The following CAMTA1 variants were observed in gnomAD, a reference collection of about 807,000 sequenced individuals.
CAMTA1 encodes calmodulin binding transcription activator 1.
CAMTA1 carries 27 observed loss-of-function variants against 170.9 expected under a neutral mutation model. The observed-to-expected ratio is 0.16, with a 90% CI of 0.12 to 0.22. The LOEUF (loss-of-function observed/expected upper bound fraction) is 0.22, where lower values mean the gene tolerates loss of function less well. Among genes scored for constraint, CAMTA1 ranks in the 10% least tolerant of loss-of-function variants. CAMTA1 has a pLI of 1.00. For missense variants in CAMTA1, 1,619 were observed against 2,217.2 expected, an observed-to-expected ratio of 0.73 and a Z score of 5.42; for synonymous variants, 833 against 891.5, an observed-to-expected ratio of 0.93 and a Z score of 1.17.
intron 4 of CAMTA1, among the ~76,000 whole-genome samples, chr1:7,121,084 A>G (rs758069947): frequency 6.6e-6 from 1 of 152,178 alleles, no homozygotes; most frequent in African/African-American, 2.4e-5. Context: ...CAAATGGAGG[A>G]AAATAAAATC....
rs1038376650 is a variant in CAMTA1, at chr1:7,661,760, C to T, written c.699C>T (p.Asn233=). The change falls in exon 8 of 23, where the codon AAC becomes AAT. Residue 233 remains asparagine, a synonymous_variant. Coordinates refer to ENST00000303635, the MANE Select transcript of CAMTA1 (RefSeq NM_015215.4). ...HGIKWTCSNG[N]SSSGFSVEQL... ...TCAAGTGGACCTGCAGCAATGGGAACAGCAGCTCAGGCTTCTCGGTGGAAC... is the reference window on the plus strand; with the variant it reads ...TCAAGTGGACCTGCAGCAATGGGAATAGCAGCTCAGGCTTCTCGGTGGAAC... The T allele has an allele frequency of 4.3e-6, 7 of 1,613,892 alleles. No homozygotes were observed. In the Middle Eastern group the frequency reaches 4.9e-4, roughly 114 times the overall value.
intron 5 of CAMTA1, among the ~76,000 whole-genome samples, chr1:7,416,577 C>T (rs1462323737): frequency 6.6e-6 from 1 of 152,226 alleles, no homozygotes; most frequent in Non-Finnish European, 1.5e-5. Flanking sequence ...TTGCATTCTT[C>T]ACGTAGTTCT....
At chr1:7,231,350 T>TGTGTGTGTGTGTGTGA (rs112268253) in intron 4 of CAMTA1, among the ~76,000 whole-genome samples, 237 of 141,180 alleles carry the variant, frequency 1.7e-3, no homozygotes, top group Middle Eastern at 7.0e-3. Context: ...TGTGTGTGTG[T>TGTGTGTGTGTGTGTGA]GAGAGAGAGA....
chr1:7,499,585 CGTGA>C (rs1305450469), intron 6 of CAMTA1, among the ~76,000 whole-genome samples: 1 of 86,446 alleles, frequency 1.2e-5, no homozygotes, highest in Non-Finnish European at 2.3e-5. Flanking sequence ...GTGAGCCTGG[CGTGA>C]GTGCGTATGT....
At position 7,026,507 on chromosome 1, in the gene CAMTA1, A is replaced by G. The variant is rs182840266; in HGVS notation, c.235-64797A>G. On this transcript the variant is annotated intron_variant, in intron 3 of 22. Coordinates refer to ENST00000303635, the MANE Select transcript of CAMTA1 (RefSeq NM_015215.4). ...CAGAATTCTGATATAAACTAAGACTATAAGATTAGTTTCAAAAGGTTTTAG... is the reference window on the plus strand; with the variant it reads ...CAGAATTCTGATATAAACTAAGACTGTAAGATTAGTTTCAAAAGGTTTTAG... Among the ~76,000 whole-genome samples, 7 of 152,234 alleles carry G rather than the reference A, an allele frequency of 4.6e-5. No individual in the cohort carries two copies. In the East Asian group the frequency reaches 9.6e-4, roughly 21 times the overall value.
chr1:6,883,142 C>T (rs970012139), intron 3 of CAMTA1, among the ~76,000 whole-genome samples: 16 of 152,162 alleles, frequency 1.1e-4, no homozygotes, highest in African/African-American at 3.1e-4. Context: ...GATCCACATG[C>T]CTTGGCCTCC....
intron 3 of CAMTA1, among the ~76,000 whole-genome samples, chr1:6,842,441 T>A (rs538554395): frequency 6.6e-5 from 10 of 152,300 alleles, no homozygotes; most frequent in Middle Eastern, 3.4e-3. Context: ...TGTAAACATA[T>A]CACGACCTGG....
chr1:7,629,082 C>T (rs2095651743), intron 6 of CAMTA1, among the ~76,000 whole-genome samples: 1 of 152,254 alleles, frequency 6.6e-6, no homozygotes, highest in Non-Finnish European at 1.5e-5. Context: ...GCAACTCTTG[C>T]AGCATTGCTA....
At chr1:7,378,658 G>A (rs1367940009) in intron 5 of CAMTA1, among the ~76,000 whole-genome samples, 2 of 152,108 alleles carry the variant, frequency 1.3e-5, no homozygotes, top group African/African-American at 2.4e-5. Context: ...GTGATGAAAT[G>A]TTTTAGAACT....
Position 7,276,396 on chromosome 1 carries a change from G to A in CAMTA1, c.438+26770G>A, listed in dbSNP as rs190733387. Among the ~76,000 whole-genome samples, 1,247 of 146,470 alleles carry A rather than the reference G, an allele frequency of 8.5e-3. 16 individuals carry two copies. The highest frequency in any genetic ancestry group is 0.029 in the African/African-American group (1,132 of 38,756). On this transcript the variant is annotated intron_variant, in intron 5 of 22. Transcript: ENST00000303635. Reference sequence around the variant, plus strand: ...GTGACGTCGCCTCACTGCAACCTCCGCCTCCTGGGTTCAAGCAATTCTCCT... The same window carrying A: ...GTGACGTCGCCTCACTGCAACCTCCACCTCCTGGGTTCAAGCAATTCTCCT...
intron 5 of CAMTA1, among the ~76,000 whole-genome samples, chr1:7,450,828 G>A (rs374641394): frequency 1.3e-5 from 2 of 152,220 alleles, no homozygotes; most frequent in East Asian, 3.8e-4. Context: ...ATGCAGGACC[G>A]AGGGTGAGAG....
At chr1:7,705,163 C>T (rs2096498556) in intron 11 of CAMTA1, among the ~76,000 whole-genome samples, 2 of 150,000 alleles carry the variant, frequency 1.3e-5, no homozygotes, top group East Asian at 2.0e-4. Flanking sequence ...GTGTGGGGAT[C>T]CGGCGGGCCC....
chr1:7,050,358 TG>T lies in CAMTA1; in HGVS notation c.235-40945del, dbSNP rs2101589694. On this transcript the variant is annotated intron_variant, in intron 3 of 22. Transcript: ENST00000303635. This position sits in a 1 kb window ranked among gnomAD's most constrained non-coding sequence, Gnocchi z 4.8. The stretch of plus-strand genomic sequence containing the variant: ...AGCTACTCCAGAGACGGCATCTGTC[TG>T]CTCCGGGGCCAGGGCGGAGAAGCCT... Among the ~76,000 whole-genome samples, 1 of 152,280 alleles carries T rather than the reference TG, an allele frequency of 6.6e-6. No individual in the cohort carries two copies. The highest frequency in any genetic ancestry group is 2.1e-4 in the South Asian group (1 of 4,824).
At chr1:7,076,155 C>T (rs1169827058) in intron 3 of CAMTA1, among the ~76,000 whole-genome samples, 2 of 152,200 alleles carry the variant, frequency 1.3e-5, no homozygotes, top group African/African-American at 4.8e-5. Flanking sequence ...GGGAGTGTTG[C>T]TGGCTGCAGA....
intron 6 of CAMTA1, among the ~76,000 whole-genome samples, chr1:7,596,461 T>C (rs2095400767): frequency 6.6e-6 from 1 of 152,218 alleles, no homozygotes; most frequent in Admixed American, 6.5e-5. Flanking sequence ...GTGTGTCCTG[T>C]GCTGGCCGCA....
intron 3 of CAMTA1, among the ~76,000 whole-genome samples, chr1:6,966,446 C>T (rs1691563265): frequency 6.6e-6 from 1 of 152,094 alleles, no homozygotes; most frequent in Non-Finnish European, 1.5e-5. Flanking sequence ...AGTATTTTTC[C>T]TTTTGTCTCT....
At chr1:7,200,832 C>A (rs889964618) in intron 4 of CAMTA1, among the ~76,000 whole-genome samples, 1 of 152,126 alleles carries the variant, frequency 6.6e-6, no homozygotes, top group Admixed American at 6.5e-5. Context: ...TGAGGTGGTA[C>A]TTGGGGACTG....
intron 4 of CAMTA1, among the ~76,000 whole-genome samples, chr1:7,245,227 C>CAT (rs1558301622): frequency 9.3e-5 from 14 of 150,710 alleles, no homozygotes; most frequent in Admixed American, 3.3e-4. Context: ...CACACACACA[C>CAT]ACATACATAC....
chr1:7,363,110 G>A (rs974355653), intron 5 of CAMTA1, among the ~76,000 whole-genome samples: 15 of 152,202 alleles, frequency 9.9e-5, no homozygotes, highest in African/African-American at 2.4e-4. Context: ...AGTTTGAAAC[G>A]TGAGAGAGTG....
Sources: allele counts gnomAD v4.1 joint callset (sites outside exome capture counted in the v4.1 genomes callset), GRCh38; gene constraint gnomAD v4.1.1; non-coding constraint Gnocchi (gnomAD v3.1); transcripts MANE v1.5; gene names NCBI Gene and HGNC (gene_info 2026-07-23, HGNC 2026-07-21).